SLC4A10: variants seen among roughly 807,000 people sequenced by gnomAD.
SLC4A10 encodes solute carrier family 4 member 10.
In SLC4A10, 42 loss-of-function variants were observed where a neutral mutation model predicts 137.7. The observed-to-expected ratio is 0.30, with a 90% confidence interval of 0.24 to 0.39. The LOEUF is 0.39. Among genes scored for constraint, SLC4A10 ranks in the 10% least tolerant of loss-of-function variants. The probability of loss-of-function intolerance (pLI) is 1.00; values close to 1 mark genes in which losing one functional copy is unlikely to be tolerated. For synonymous variants in SLC4A10, 474 were observed against 464.1 expected, an observed-to-expected ratio of 1.02 and a Z score of -0.27; for missense variants, 925 against 1,355.0, an observed-to-expected ratio of 0.68 and a Z score of 4.98.
chr2:161,741,169 G>C (rs1187272625), intron 1 of SLC4A10, among the ~76,000 whole-genome samples: 1 of 150,840 alleles, frequency 6.6e-6, no homozygotes, highest in Non-Finnish European at 1.5e-5. Flanking sequence ...GGAGGCTGAA[G>C]TGGAAGGATT....
chr2:161,635,672 G>A (rs2136459), intron 1 of SLC4A10, among the ~76,000 whole-genome samples: 93 of 152,232 alleles, frequency 6.1e-4, no homozygotes, highest in African/African-American at 1.9e-3. Context: ...TTGTCTGCAG[G>A]TAATTTGGGT....
rs533165198 is a variant in SLC4A10, at chr2:161,977,970, A to C, written c.*26+210A>C. Among the ~76,000 whole-genome samples the C allele has an allele frequency of 1.4e-4, 22 of 152,262 alleles. 1 individual carries two copies. The East Asian group carries it at 4.3e-3, about 29-fold the overall frequency. Reference sequence around the variant, plus strand: ...TTAAGTTAGTCTGAAACTTGAATAAACTTTATTCCTTCCTTGATTTATACA... The same window carrying C: ...TTAAGTTAGTCTGAAACTTGAATAACCTTTATTCCTTCCTTGATTTATACA... On this transcript the variant is annotated intron_variant, in intron 26 of 26. Coordinates refer to ENST00000446997, the MANE Select transcript of SLC4A10 (RefSeq NM_001178015.2).
At chr2:161,812,056 T>G (rs960509367) in intron 3 of SLC4A10, among the ~76,000 whole-genome samples, 1 of 152,092 alleles carries the variant, frequency 6.6e-6, no homozygotes, top group African/African-American at 2.4e-5. Context: ...TTTGGTTTAT[T>G]CAATATCTGG....
intron 1 of SLC4A10, among the ~76,000 whole-genome samples, chr2:161,740,404 T>A (rs1256008963): frequency 2.0e-5 from 3 of 152,312 alleles, no homozygotes; most frequent in East Asian, 1.9e-4. Context: ...ATTATGGAAC[T>A]CTTCTGGGCA....
chr2:161,910,520 G>C (rs934510541), intron 15 of SLC4A10, among the ~76,000 whole-genome samples: 1 of 152,044 alleles, frequency 6.6e-6, no homozygotes, highest in South Asian at 2.1e-4. Context: ...TAAGTTTTGG[G>C]AATAATAAAG....
intron 3 of SLC4A10, among the ~76,000 whole-genome samples, chr2:161,838,527 T>C (rs1182771183): frequency 6.6e-6 from 1 of 152,106 alleles, no homozygotes; most frequent in African/African-American, 2.4e-5. Context: ...GCTAAAAGAA[T>C]ATAAAGTCAA....
At position 161,977,709 on chromosome 2, in the gene SLC4A10, T is replaced by A; in HGVS notation, c.3345-13T>A. On this transcript the variant is annotated splice_polypyrimidine_tract_variant and intron_variant, in intron 25 of 26. Coordinates refer to ENST00000446997, the MANE Select transcript of SLC4A10 (RefSeq NM_001178015.2). ...TTTTCTACTTAATTTTTATATTACATTTTTGTCATAAGCTCCCCTTCCTAA... is the reference window on the plus strand; with the variant it reads ...TTTTCTACTTAATTTTTATATTACAATTTTGTCATAAGCTCCCCTTCCTAA... 6.3e-7 allele frequency: 1 copy of A among 1,597,488 alleles called. No individual in the cohort carries two copies. Among genetic ancestry groups the A allele is most frequent in the Non-Finnish European group, 8.5e-7 (1 of 1,174,000 alleles).
At chr2:161,669,670 T>C (rs1324970356) in intron 1 of SLC4A10, among the ~76,000 whole-genome samples, 1 of 152,048 alleles carries the variant, frequency 6.6e-6, no homozygotes, top group Admixed American at 6.6e-5. Flanking sequence ...AGTTGATATT[T>C]TAAAATATGA....
intron 3 of SLC4A10, among the ~76,000 whole-genome samples, chr2:161,806,365 T>C (rs987811833): frequency 6.6e-6 from 1 of 152,192 alleles, no homozygotes; most frequent in Non-Finnish European, 1.5e-5. Context: ...TTTTGTGAAT[T>C]TCTGCATTTG....
In SLC4A10 at chr2:161,696,493, C is replaced by A. The variant is rs1273041141; in HGVS notation, c.48+71927C>A. Among the ~76,000 whole-genome samples the A allele has an allele frequency of 2.6e-5, 3 of 113,224 alleles. 1 individual carries two copies. Among genetic ancestry groups the A allele is most frequent in the Non-Finnish European group, 3.4e-5 (2 of 59,508 alleles). The allele number at this position is 113,224 out of a possible 152,430, so 74.3% of individuals were successfully genotyped here. On this transcript the variant is annotated intron_variant, in intron 1 of 26. Transcript: ENST00000446997. ...ACAACAGTCCCCAGAGTGTGATGTT[C>A]CCCTTCCTGTGTCCATGTGTTCTCA...
chr2:161,670,581 T>TA (rs5835877), intron 1 of SLC4A10, among the ~76,000 whole-genome samples: 132,379 of 151,886 alleles, frequency 0.87, 58,305 homozygotes, highest in East Asian at 1. Flanking sequence ...TGTTTATAAA[T>TA]ACTAACAAGG....
intron 15 of SLC4A10, among the ~76,000 whole-genome samples, chr2:161,924,093 A>G (rs1377183098): frequency 6.6e-6 from 1 of 152,166 alleles, no homozygotes; most frequent in East Asian, 1.9e-4. Context: ...GAGATTAACA[A>G]AAAAGCTTGT....
intron 2 of SLC4A10, among the ~76,000 whole-genome samples, chr2:161,792,930 T>C (rs1218003639): frequency 1.3e-5 from 2 of 152,130 alleles, no homozygotes; most frequent in African/African-American, 2.4e-5. Context: ...TTGATATAAA[T>C]ACTGATAATA....
At chr2:161,749,737 G>C (rs969940108) in intron 1 of SLC4A10, among the ~76,000 whole-genome samples, 2 of 151,612 alleles carry the variant, frequency 1.3e-5, no homozygotes, top group South Asian at 2.1e-4. Context: ...TTGTTCTTGT[G>C]GTGTCTTTGT....
chr2:161,919,447 A>G (rs941250364), intron 15 of SLC4A10, among the ~76,000 whole-genome samples: 8 of 151,976 alleles, frequency 5.3e-5, no homozygotes, highest in African/African-American at 1.9e-4. Flanking sequence ...TGGACCAATC[A>G]GCACACACTT....
At chr2:161,659,470 G>A (rs1415792645) in intron 1 of SLC4A10, among the ~76,000 whole-genome samples, 1 of 152,104 alleles carries the variant, frequency 6.6e-6, no homozygotes, top group Non-Finnish European at 1.5e-5. Context: ...TACACTGAAA[G>A]CCATTATGCA....
chr2:161,630,968 G>A (rs890600909), intron 1 of SLC4A10, among the ~76,000 whole-genome samples: 1 of 151,638 alleles, frequency 6.6e-6, no homozygotes, highest in Non-Finnish European at 1.5e-5. Context: ...ATTATAAAAC[G>A]AGCTTTCACA....
chr2:161,702,042 C>G (rs1248120937), intron 1 of SLC4A10, among the ~76,000 whole-genome samples: 2 of 151,810 alleles, frequency 1.3e-5, no homozygotes, highest in African/African-American at 4.8e-5. Flanking sequence ...GACTCAATTC[C>G]ACTGCTGAGT....
chr2:161,804,392 A>AT (rs1354795574), intron 2 of SLC4A10, 57 bp from the exon 3 acceptor site: 126 of 1,553,246 alleles, frequency 8.1e-5, no homozygotes, highest in Non-Finnish European at 1.0e-4. Flanking sequence ...GTAAATCATC[A>AT]TATCTGTGCC....
Sources: gnomAD v4.1 joint callset for allele counts (sites outside exome capture counted in the v4.1 genomes callset) on GRCh38, gnomAD v4.1.1 for gene constraint, MANE v1.5 for transcripts, NCBI Gene and HGNC (gene_info 2026-07-23, HGNC 2026-07-21) for gene names.